Variants in GLB1 observed in about 807,000 individuals in gnomAD.
GLB1 encodes beta-galactosidase.
In GLB1, 56 loss-of-function variants were observed where a neutral mutation model predicts 74.0. That is an observed-to-expected ratio of 0.76 (90% confidence interval 0.61 to 0.94). GLB1 has a LOEUF of 0.94. GLB1 is among the 40% of genes least tolerant of loss of function. GLB1 has a pLI of 0.00. For missense variants in GLB1, 787 were observed against 845.5 expected, an observed-to-expected ratio of 0.93 and a Z score of 0.86; for synonymous variants, 323 against 323.6, an observed-to-expected ratio of 1.00 and a Z score of 0.02.
At chr3:33,049,556 A>G (rs1698891267) in intron 9 of GLB1, among the ~76,000 whole-genome samples, 1 of 152,168 alleles carries the variant, frequency 6.6e-6, no homozygotes, top group Non-Finnish European at 1.5e-5. Flanking sequence ...AGCTGGGATT[A>G]CAGGTGAGCG....
rs756853130 is a variant in GLB1, at chr3:33,097,136, G to A, written c.-51C>T. The A allele has an allele frequency of 6.2e-7, 1 of 1,601,880 alleles. No homozygotes were observed. The highest frequency in any genetic ancestry group is 8.5e-7 in the Non-Finnish European group (1 of 1,173,684). On this transcript the variant is annotated 5_prime_UTR_variant, in exon 1 of 16. It adds an upstream start codon to the 5' untranslated region. Transcript: ENST00000307363. ...TCGGCGCCCAGGCCGGCCGCTTCGCGTCACTTGACTAAGGACCCACGGCCT... is the reference window on the plus strand; with the variant it reads ...TCGGCGCCCAGGCCGGCCGCTTCGCATCACTTGACTAAGGACCCACGGCCT...
Position 33,068,926 on chromosome 3 carries a change from T to C in GLB1, c.290A>G (p.Gln97Arg), listed in dbSNP as rs1381849562. The C allele has an allele frequency of 1.2e-6, 2 of 1,613,990 alleles. No individual in the cohort carries two copies. Among genetic ancestry groups the C allele is most frequent in the African/African-American group, 1.3e-5 (1 of 74,890 alleles). ...TTCCACATCATGGTCCTCAGAAAAC[T>C]GGTACTGTCCTGGCCAGGGCTCATG... ...NFHEPWPGQY[Q>R]FSEDHDVEYF... The change falls in exon 3 of 16, where the codon CAG (glutamine) becomes CGG (arginine). Residue 97 changes from glutamine to arginine, a missense_variant. By Grantham distance (43) the Gln-to-Arg change is conservative. Transcript: ENST00000307363.
At chr3:32,971,312 T>C in the GLB1 span, among the ~76,000 whole-genome samples, 1 of 152,222 alleles carries the variant, frequency 6.6e-6, no homozygotes, top group East Asian at 1.9e-4. Context: ...CCACTACTAA[T>C]TGTCAAAAAG....
chr3:33,038,167 A>C (rs1698360076), intron 10 of GLB1: 1 of 152,192 alleles, frequency 6.6e-6, no homozygotes, highest in Admixed American at 6.5e-5. Context: ...AAAGAGAAAA[A>C]TTCAAATTTA....
At chr3:33,065,378 A>G in intron 5 of GLB1, 85 bp downstream of exon 5, 2 of 1,501,422 alleles carry the variant, frequency 1.3e-6, no homozygotes, top group Non-Finnish European at 1.8e-6. Flanking sequence ...TATGAGGCTC[A>G]TGTCTGCATC....
chr3:33,093,057 G>A lies in GLB1; in HGVS notation c.75+3954C>T. ...AAGGATCAGGTTAATATCTGGCCGA[G>A]CCTGGAGAGCTCTCTTGGCAGCCAG... On this transcript the variant is annotated intron_variant, in intron 1 of 15. Transcript: ENST00000307363. The surrounding 1 kb of genome is among the most constrained non-coding windows in gnomAD (Gnocchi z 6.0). 1 of 1,614,224 alleles carries A rather than the reference G, an allele frequency of 6.2e-7. No homozygotes were observed. The highest frequency in any genetic ancestry group is 1.3e-5 in the African/African-American group (1 of 75,066).
intron 1 of GLB1, among the ~76,000 whole-genome samples, chr3:33,074,746 T>C (rs1025112111): frequency 1.3e-5 from 2 of 152,168 alleles, no homozygotes; most frequent in Non-Finnish European, 1.5e-5. Flanking sequence ...AGATTCCTTG[T>C]GCATCTTTAG....
At chr3:33,077,048 A>C in intron 1 of GLB1, 1 of 1,299,884 alleles carries the variant, frequency 7.7e-7, no homozygotes, top group South Asian at 1.3e-5. Context: ...ACATGGCGAG[A>C]CCCTGTCTCT....
At chr3:33,091,445 G>A (rs531941264) in intron 1 of GLB1, 11 of 985,394 alleles carry the variant, frequency 1.1e-5, no homozygotes, top group African/African-American at 8.7e-5. Context: ...CAGGCAGCTC[G>A]CTACCCACTC....
At chr3:33,046,261 T>C (rs984921782) in intron 9 of GLB1, 29 bp from the exon 10 acceptor site, 2 of 1,612,662 alleles carry the variant, frequency 1.2e-6, no homozygotes, top group Non-Finnish European at 1.7e-6. Context: ...CCACTAGTTA[T>C]TACTGATGGT....
chr3:33,090,286 A>G (rs1700692251), intron 1 of GLB1: 1 of 561,300 alleles, frequency 1.8e-6, no homozygotes, highest in South Asian at 7.7e-5. Context: ...TAAAGAGTAC[A>G]GGTGGGGCAG....
Position 33,016,773 on chromosome 3 carries a change from G to A in GLB1, c.1415C>T (p.Thr472Ile). Residue 472 changes from threonine to isoleucine, a missense_variant, in exon 14 of 16, where the codon ACT becomes ATT. Transcript: ENST00000307363. ...CATGTTCTCTACCAGAAGGTCCAGAGTGGCTCCAGCTTTCCCTGTTATGTT... is the reference window on the plus strand; with the variant it reads ...CATGTTCTCTACCAGAAGGTCCAGAATGGCTCCAGCTTTCCCTGTTATGTT... ...TLNITGKAGA[T>I]LDLLVENMGR... 2 of 1,614,202 alleles carry A rather than the reference G, an allele frequency of 1.2e-6. No individual in the cohort carries two copies.
At chr3:33,070,816 A>G (rs1319603081) in intron 2 of GLB1, among the ~76,000 whole-genome samples, 2 of 152,228 alleles carry the variant, frequency 1.3e-5, no homozygotes, top group East Asian at 3.8e-4. Context: ...ACTACATTCC[A>G]GCCAGGTGAC....
At chr3:33,092,744 G>T in intron 1 of GLB1, 1 of 1,512,054 alleles carries the variant, frequency 6.6e-7, no homozygotes. Context: ...GAGTGGGCAA[G>T]GCTGGAGGGG....
At chr3:32,980,499 C>G in the GLB1 span, among the ~76,000 whole-genome samples, 1 of 152,224 alleles carries the variant, frequency 6.6e-6, no homozygotes, top group Non-Finnish European at 1.5e-5. Context: ...TTCCTCAGCT[C>G]AAACTATATC....
intron 5 of GLB1, among the ~76,000 whole-genome samples, chr3:33,061,515 G>A (rs12490111): frequency 0.099 from 15,114 of 152,110 alleles, 923 homozygotes; most frequent in East Asian, 0.31. Flanking sequence ...GTACAAAAGC[G>A]GCCACAGATG....
At chr3:33,020,909 AAAAGGCAATT>A (rs1304629392) in intron 12 of GLB1, among the ~76,000 whole-genome samples, 2 of 152,196 alleles carry the variant, frequency 1.3e-5, no homozygotes, top group Non-Finnish European at 2.9e-5. Context: ...CACAGAGAGA[AAAAGGCAATT>A]AAAGCACTGT....
chr3:32,971,857 T>TG, the GLB1 span, among the ~76,000 whole-genome samples: 15 of 152,154 alleles, frequency 9.9e-5, no homozygotes, highest in Admixed American at 2.6e-4. Context: ...TGGCCTATAT[T>TG]GGATCTGTGG....
the GLB1 span, among the ~76,000 whole-genome samples, chr3:32,979,870 A>AT: frequency 7.3e-6 from 1 of 137,326 alleles, no homozygotes; most frequent in Non-Finnish European, 1.6e-5. Flanking sequence ...AAAAAAAAAA[A>AT]AAAAAAAAGA....
Sources: allele counts gnomAD v4.1 joint callset (sites outside exome capture counted in the v4.1 genomes callset), GRCh38; gene constraint gnomAD v4.1.1; non-coding constraint Gnocchi (gnomAD v3.1); transcripts MANE v1.5; gene names NCBI Gene and HGNC (gene_info 2026-07-23, HGNC 2026-07-21).